GAMT: variants seen among roughly 807,000 people sequenced by gnomAD.
The protein encoded by GAMT is guanidinoacetate N-methyltransferase.
In GAMT, 26 loss-of-function variants were observed where a neutral mutation model predicts 26.9. That is an observed-to-expected ratio of 0.97 (90% CI 0.71 to 1.34). The LOEUF is 1.34. Among genes scored for constraint, GAMT ranks in the 40% most tolerant of loss-of-function variants. The pLI, the probability that GAMT is intolerant of heterozygous loss-of-function variation, is 0.00. For missense variants in GAMT, 412 were observed against 345.0 expected, an observed-to-expected ratio of 1.19 and a Z score of -1.54; for synonymous variants, 169 against 149.6, an observed-to-expected ratio of 1.13 and a Z score of -0.95.
chr19:1,397,286 G>A lies in GAMT; in HGVS notation c.*73C>T. 1 of 1,513,740 alleles carries A rather than the reference G, an allele frequency of 6.6e-7. No individual in the cohort carries two copies. The highest frequency in any genetic ancestry group is 8.9e-7 in the Non-Finnish European group (1 of 1,120,700). 93.8% of individuals were successfully genotyped at this position (1,513,740 alleles called of 1,614,324 possible). On this transcript the variant is annotated 3_prime_UTR_variant, in exon 6 of 6. Coordinates refer to ENST00000252288, the MANE Select transcript of GAMT (RefSeq NM_000156.6). ...ACACAGCTGGGATCAGCCCAGGGCTGGTGCGACACCCTGGACTCCCGGCCA... is the reference window on the plus strand; with the variant it reads ...ACACAGCTGGGATCAGCCCAGGGCTAGTGCGACACCCTGGACTCCCGGCCA...
rs746633494 is a variant in GAMT, at chr19:1,397,463, G to C, written c.607C>G (p.Arg203Gly). Reference sequence around the variant, plus strand: ...ACCTCCGTACGGATGTTCTCCCTCCGGAAGCCGGCCTCCAGCAGCGCGGGC... The same window carrying C: ...ACCTCCGTACGGATGTTCTCCCTCCCGAAGCCGGCCTCCAGCAGCGCGGGC... ...QVPALLEAGFRRENIRTEVMA... is the reference protein window; with the variant it reads ...QVPALLEAGFGRENIRTEVMA... The change falls in exon 6 of 6, where the codon CGG becomes GGG. Residue 203 changes from arginine to glycine, a missense_variant. Transcript: ENST00000252288. 8.7e-6 allele frequency: 14 copies of C among 1,608,702 alleles called. No individual in the cohort carries two copies. In the South Asian group the frequency reaches 1.1e-4, roughly 13 times the overall value.
chr19:1,401,063 C>T (rs1056953055), intron 1 of GAMT, among the ~76,000 whole-genome samples: 1 of 152,210 alleles, frequency 6.6e-6, no homozygotes, highest in African/African-American at 2.4e-5. Flanking sequence ...GGGCCTCACT[C>T]CCCCTGGAGA....
chr19:1,401,505 G>A lies in GAMT; in HGVS notation c.-29C>T, dbSNP rs2082634291. On this transcript the variant is annotated 5_prime_UTR_variant, in exon 1 of 6. Coordinates refer to ENST00000252288, the MANE Select transcript of GAMT (RefSeq NM_000156.6). ...GCAGGCTGGACGGCGACCCGACCTC[G>A]ATCGCGCGCCGCCCGGGCCCGCTCC... 4 of 1,290,092 alleles carry A rather than the reference G, an allele frequency of 3.1e-6. No homozygotes were observed. The highest frequency in any genetic ancestry group is 3.2e-5 in the East Asian group (1 of 31,516). 79.9% of individuals were successfully genotyped at this position (1,290,092 alleles called of 1,614,324 possible).
chr19:1,400,554 CG>C (rs2082628198), intron 1 of GAMT, among the ~76,000 whole-genome samples: 1 of 152,174 alleles, frequency 6.6e-6, no homozygotes, highest in Admixed American at 6.5e-5. Context: ...CTGTTTGTCC[CG>C]GGTCCCTTAT....
rs775018136 is a variant in GAMT at position 1,401,435 on chromosome 19, C to G, written c.42G>C (p.Glu14Asp). Reference protein sequence around the residue: ...PSATPIFAPGENCSPAWGAAP... With the variant: ...PSATPIFAPGDNCSPAWGAAP... Reference sequence around the variant, plus strand: ...CCGCCCCCCACGCGGGGCTGCAGTTCTCGCCGGGCGCGAAGATGGGGGTCG... The same window carrying G: ...CCGCCCCCCACGCGGGGCTGCAGTTGTCGCCGGGCGCGAAGATGGGGGTCG... The change falls in exon 1 of 6, where the codon GAG (glutamate) becomes GAC (aspartate). Residue 14 changes from glutamate (E) to aspartate (D), a missense_variant. Physicochemically the swap from Glu to Asp is conservative, Grantham distance 45. Transcript: ENST00000252288. 9.9e-6 allele frequency: 14 copies of G among 1,417,138 alleles called. No homozygotes were observed. The South Asian group carries it at 1.5e-4, about 15-fold the overall frequency. 87.8% of individuals were successfully genotyped at this position (1,417,138 alleles called of 1,614,324 possible).
rs748074807 is a variant in GAMT, at chr19:1,399,632, C to T, written c.328-45G>A. On this transcript the variant is annotated intron_variant, in intron 2 of 5. Coordinates refer to ENST00000252288, the MANE Select transcript of GAMT (RefSeq NM_000156.6). This position sits in a 1 kb window ranked among gnomAD's most constrained non-coding sequence, Gnocchi z 6.2. ...AAAGAGAGGACAGGGTAGAGAGGTC[C>T]CCAGGATCTCCCCACCTGCAGAAAG... 10 of 1,581,244 alleles carry T rather than the reference C, an allele frequency of 6.3e-6. No homozygotes were observed. Among genetic ancestry groups the T allele is most frequent in the Non-Finnish European group, 8.6e-6 (10 of 1,159,838 alleles).
At chr19:1,401,036 C>T (rs1233185424) in intron 1 of GAMT, among the ~76,000 whole-genome samples, 1 of 152,206 alleles carries the variant, frequency 6.6e-6, no homozygotes, top group African/African-American at 2.4e-5. Context: ...GTTTGAGGTC[C>T]CCATCTGGAG....
intron 1 of GAMT, among the ~76,000 whole-genome samples, chr19:1,400,226 G>C (rs1048147495): frequency 6.8e-6 from 1 of 146,772 alleles, no homozygotes; most frequent in Non-Finnish European, 1.5e-5. Flanking sequence ...CTGTCTGGAA[G>C]AGGGGGTGCA....
At chr19:1,397,713 AC>A in intron 5 of GAMT, 1 of 1,408,110 alleles carries the variant, frequency 7.1e-7, no homozygotes, top group Non-Finnish European at 9.3e-7. Flanking sequence ...CTGTCCTGGA[AC>A]CCCAGCCCCA....
rs1451407155 is a variant in GAMT at position 1,399,861 on chromosome 19, A to G, written c.259T>C (p.Trp87Arg). ...KVQEAPIDEH[W>R]IIECNDGVFQ... is the part of the protein sequence containing the mutation. ...ACGCCGTCATTGCACTCGATGATCC[A>G]ATGCTCATCAATGGGCGCCTCCTGC... Residue 87 changes from tryptophan to arginine, a missense_variant, in exon 2 of 6, where the codon TGG becomes CGG. Coordinates refer to ENST00000252288, the MANE Select transcript of GAMT (RefSeq NM_000156.6). This position sits in a 1 kb window ranked among gnomAD's most constrained non-coding sequence, Gnocchi z 6.2. 7 of 1,602,798 alleles carry G rather than the reference A, an allele frequency of 4.4e-6. No homozygotes were observed. In the South Asian group the frequency reaches 6.7e-5, roughly 15 times the overall value.
rs761687649 is a variant in GAMT at position 1,401,457 on chromosome 19, G to T, written c.20C>A (p.Thr7Asn). The T allele has an allele frequency of 8.3e-5, 116 of 1,391,240 alleles. No individual in the cohort carries two copies. The highest frequency in any genetic ancestry group is 1.1e-4 in the Non-Finnish European group (113 of 1,072,230). The allele number at this position is 1,391,240 out of a possible 1,614,324, so 86.2% of individuals were successfully genotyped here. Reference sequence around the variant, plus strand: ...GTTCTCGCCGGGCGCGAAGATGGGGGTCGCGCTGGGGGCGCTCATGCTGCA... The same window carrying T: ...GTTCTCGCCGGGCGCGAAGATGGGGTTCGCGCTGGGGGCGCTCATGCTGCA... MSAPSA[T>N]PIFAPGENCS... The change falls in exon 1 of 6, where the codon ACC becomes AAC. Residue 7 changes from threonine (T) to asparagine (N), a missense_variant. Coordinates refer to ENST00000252288, the MANE Select transcript of GAMT (RefSeq NM_000156.6).
intron 5 of GAMT, chr19:1,397,783 G>C: frequency 7.5e-7 from 1 of 1,337,190 alleles, no homozygotes; most frequent in Non-Finnish European, 9.6e-7. Context: ...CAGTGTGGCG[G>C]GTGGAGCCAA....
intron 5 of GAMT, 47 bp downstream of exon 5, chr19:1,398,869 C>T (rs745860636): frequency 1.2e-6 from 2 of 1,608,646 alleles, no homozygotes; most frequent in Admixed American, 3.4e-5. Flanking sequence ...CCACCCCCAT[C>T]CAAGGTCACT....
At position 1,397,480 on chromosome 19, in the gene GAMT, A is replaced by G. The variant is rs2082607260; in HGVS notation, c.590T>C (p.Leu197Pro). 4 of 1,606,230 alleles carry G rather than the reference A, an allele frequency of 2.5e-6. No homozygotes were observed. The highest frequency in any genetic ancestry group is 3.4e-6 in the Non-Finnish European group (4 of 1,179,854). ...IMFEETQVPA[L>P]LEAGFRRENI... is the part of the protein sequence containing the mutation. The stretch of plus-strand genomic sequence containing the variant: ...CTCCCTCCGGAAGCCGGCCTCCAGC[A>G]GCGCGGGCACCTGCGTCTCCTGGTC... The change falls in exon 6 of 6, where the codon CTG becomes CCG. Residue 197 changes from leucine to proline, a missense_variant. Coordinates refer to ENST00000252288, the MANE Select transcript of GAMT (RefSeq NM_000156.6).
intron 1 of GAMT, 112 bp from the exon 2 acceptor site, chr19:1,400,050 G>T: frequency 7.7e-7 from 1 of 1,294,652 alleles, no homozygotes; most frequent in Non-Finnish European, 1.1e-6. Context: ...AGGAGGGGGC[G>T]CAGGGCTGGG....
Position 1,399,090 on chromosome 19 carries a change from G to A in GAMT, c.459+38C>T, listed in dbSNP as rs369176910. 4.2e-5 allele frequency: 68 copies of A among 1,613,290 alleles called. No individual in the cohort carries two copies. In the African/African-American group the frequency reaches 5.1e-4, roughly 12 times the overall value. The stretch of plus-strand genomic sequence containing the variant: ...GGGGTGTGGGCAGAGGGGCTTCCCC[G>A]AGGGCCTCCCGCATCCCAGCAAGTC... On this transcript the variant is annotated intron_variant, in intron 4 of 5. Coordinates refer to ENST00000252288, the MANE Select transcript of GAMT (RefSeq NM_000156.6). The surrounding 1 kb of genome is among the most constrained non-coding windows in gnomAD (Gnocchi z 6.2).
At position 1,399,016 on chromosome 19, in the gene GAMT, A is replaced by C. The variant is rs751570656; in HGVS notation, c.470T>G (p.Phe157Cys). Residue 157 changes from phenylalanine to cysteine, a missense_variant, in exon 5 of 6, where the codon TTT becomes TGT. Physicochemically the swap from Phe to Cys is radical, Grantham distance 205. Transcript: ENST00000252288. This position sits in a 1 kb window ranked among gnomAD's most constrained non-coding sequence, Gnocchi z 6.2. The part of the protein sequence containing the change: ...HQFNFIKNHA[F>C]RLLKPGGVLT... ...GACGCCCCCCGGCTTCAGCAGGCGAAAGGCGTGGTTCTGTGGAAGGGGAGT... is the reference window on the plus strand; with the variant it reads ...GACGCCCCCCGGCTTCAGCAGGCGACAGGCGTGGTTCTGTGGAAGGGGAGT... The C allele has an allele frequency of 2.5e-6, 4 of 1,613,314 alleles. No individual in the cohort carries two copies. In the Admixed American group the frequency reaches 5.0e-5, roughly 20 times the overall value.
At position 1,399,594 on chromosome 19, in the gene GAMT, G is replaced by A; in HGVS notation, c.328-7C>T. 8 of 1,611,628 alleles carry A rather than the reference G, an allele frequency of 5.0e-6. No individual in the cohort carries two copies. The highest frequency in any genetic ancestry group is 5.9e-6 in the Non-Finnish European group (7 of 1,179,150). On this transcript the variant is annotated splice_polypyrimidine_tract_variant and splice_region_variant and intron_variant, in intron 2 of 5. Coordinates refer to ENST00000252288, the MANE Select transcript of GAMT (RefSeq NM_000156.6). The surrounding 1 kb of genome is among the most constrained non-coding windows in gnomAD (Gnocchi z 6.2). The stretch of plus-strand genomic sequence containing the variant: ...GGCCTTTCAAGGGGATGACCTTGCA[G>A]AGGGGAAAAGAAAAAGAGAGGACAG...
chr19:1,399,519 C>G lies in GAMT; in HGVS notation c.391+5G>C. The G allele has an allele frequency of 6.2e-7, 1 of 1,612,158 alleles. No homozygotes were observed. Among genetic ancestry groups the G allele is most frequent in the Admixed American group, 1.7e-5 (1 of 59,870 alleles). On this transcript the variant is annotated splice_donor_5th_base_variant and intron_variant, in intron 3 of 5. Transcript: ENST00000252288. The surrounding 1 kb of genome is among the most constrained non-coding windows in gnomAD (Gnocchi z 6.2). ...CACCCTGTGATACGTCCCCTCACCCCTCACCATCAAAGTGACCGTCAGGCA... is the reference window on the plus strand; with the variant it reads ...CACCCTGTGATACGTCCCCTCACCCGTCACCATCAAAGTGACCGTCAGGCA...
Sources: allele counts gnomAD v4.1 joint callset (sites outside exome capture counted in the v4.1 genomes callset), GRCh38; gene constraint gnomAD v4.1.1; non-coding constraint Gnocchi (gnomAD v3.1); transcripts MANE v1.5; gene names NCBI Gene and HGNC (gene_info 2026-07-23, HGNC 2026-07-21).